The following PDSS2 variants were observed in gnomAD, a reference collection of about 807,000 sequenced individuals.
PDSS2 encodes the protein all trans-polyprenyl-diphosphate synthase PDSS2.
In PDSS2, 31 loss-of-function variants were observed where a neutral mutation model predicts 44.5. That is an observed-to-expected ratio of 0.70 (90% CI 0.52 to 0.94). The LOEUF (loss-of-function observed/expected upper bound fraction) is 0.94. Among genes scored for constraint, PDSS2 ranks in the 40% least tolerant of loss-of-function variants. The pLI, the probability that PDSS2 is intolerant of heterozygous loss-of-function variation, is 0.00. For missense variants in PDSS2, 452 were observed against 482.2 expected (o/e 0.94, Z 0.59); for synonymous variants, 157 against 180.3 (o/e 0.87, Z 1.03).
intron 2 of PDSS2, among the ~76,000 whole-genome samples, chr6:107,281,566 C>T (rs890292482): frequency 2.0e-5 from 3 of 152,124 alleles, no homozygotes; most frequent in Admixed American, 6.5e-5. Context: ...TCTCCTTTTT[C>T]TATTTAACAT....
At chr6:107,296,419 T>C (rs190224136) in intron 2 of PDSS2, among the ~76,000 whole-genome samples, 22 of 152,328 alleles carry the variant, frequency 1.4e-4, no homozygotes, top group African/African-American at 3.4e-4. Context: ...TATTTTTGTA[T>C]ATAATGATTG....
rs75760463 is a variant in PDSS2, at chr6:107,174,569, C to T, written c.1041+19253G>A. Among the ~76,000 whole-genome samples the T allele has an allele frequency of 8.7e-3, 1,325 of 152,254 alleles. 13 individuals carry two copies. Among genetic ancestry groups the T allele is most frequent in the African/African-American group, 0.021 (866 of 41,568 alleles). ...CTTAACTGAAAGGTCTTGACAGCTT[C>T]TGAGTGGCAAGACTTGGTACAAAAG... On this transcript the variant is annotated intron_variant, in intron 7 of 7. Transcript: ENST00000369037.
rs376516743 is a variant in PDSS2, at chr6:107,291,075, C to T, written c.432-16848G>A. On this transcript the variant is annotated intron_variant, in intron 2 of 7. Coordinates refer to ENST00000369037, the MANE Select transcript of PDSS2 (RefSeq NM_020381.4). ...CATACATACTTTTGTAAACCTGTGC[C>T]GGGTAAAAGAATCTTTCGTGATGAT... 3.5e-4 allele frequency among the ~76,000 whole-genome samples: 53 copies of T among 151,450 alleles called. No individual in the cohort carries two copies. The East Asian group carries it at 4.1e-3, about 12-fold the overall frequency.
Position 107,170,509 on chromosome 6 carries a change from G to A in PDSS2, c.1042-15732C>T, listed in dbSNP as rs558655854. 3.0e-3 allele frequency among the ~76,000 whole-genome samples: 457 copies of A among 152,124 alleles called. 1 individual carries two copies. Among genetic ancestry groups the A allele is most frequent in the African/African-American group, 0.011 (442 of 41,504 alleles). The stretch of plus-strand genomic sequence containing the variant: ...TGACAAGCCCCAGTGAGATGAACCC[G>A]GTACCTCAGTTGGAAATGCAGAAAT... On this transcript the variant is annotated intron_variant, in intron 7 of 7. Transcript: ENST00000369037.
intron 2 of PDSS2, among the ~76,000 whole-genome samples, chr6:107,276,662 T>C (rs1258148720): frequency 2.0e-5 from 3 of 152,206 alleles, no homozygotes; most frequent in African/African-American, 4.8e-5. Flanking sequence ...GTTACACTTA[T>C]CAGTCACACC....
At chr6:107,419,007 G>A (rs1036274870) in intron 1 of PDSS2, among the ~76,000 whole-genome samples, 1 of 151,640 alleles carries the variant, frequency 6.6e-6, no homozygotes, top group African/African-American at 2.4e-5. Flanking sequence ...CTCAACTCTA[G>A]TTGTATATTA....
intron 1 of PDSS2, among the ~76,000 whole-genome samples, chr6:107,338,542 G>A (rs533753662): frequency 6.6e-6 from 1 of 152,324 alleles, no homozygotes; most frequent in South Asian, 2.1e-4. Flanking sequence ...ACAATAAAAT[G>A]TGGCAGGAAT....
At chr6:107,364,951 G>A (rs369937692) in intron 1 of PDSS2, among the ~76,000 whole-genome samples, 4 of 152,148 alleles carry the variant, frequency 2.6e-5, no homozygotes, top group East Asian at 1.9e-4. Flanking sequence ...TGGGGGAGGC[G>A]GGGAAGGCTT....
chr6:107,410,256 T>C (rs1780447259), intron 1 of PDSS2, among the ~76,000 whole-genome samples: 1 of 152,124 alleles, frequency 6.6e-6, no homozygotes, highest in South Asian at 2.1e-4. Context: ...TGAAAGAACG[T>C]AAAAGAAGAA....
intron 4 of PDSS2, among the ~76,000 whole-genome samples, chr6:107,242,378 C>T (rs1184408784): frequency 6.6e-6 from 1 of 151,998 alleles, no homozygotes; most frequent in Non-Finnish European, 1.5e-5. Flanking sequence ...ATTCTCCTGC[C>T]TCAGCCTCCT....
At chr6:107,166,134 T>A (rs1771337781) in intron 7 of PDSS2, among the ~76,000 whole-genome samples, 1 of 152,048 alleles carries the variant, frequency 6.6e-6, no homozygotes, top group African/African-American at 2.4e-5. Context: ...GACTTCCTCT[T>A]TTCCTAATTG....
At chr6:107,298,997 C>G (rs1776603305) in intron 2 of PDSS2, among the ~76,000 whole-genome samples, 1 of 151,708 alleles carries the variant, frequency 6.6e-6, no homozygotes, top group South Asian at 2.1e-4. Flanking sequence ...CAAAAATTAG[C>G]TGGTGTGATG....
At chr6:107,401,887 G>C (rs1047875405) in intron 1 of PDSS2, among the ~76,000 whole-genome samples, 11 of 152,182 alleles carry the variant, frequency 7.2e-5, no homozygotes, top group Non-Finnish European at 1.3e-4. Context: ...GCTCATGCCT[G>C]TAATTCAAGC....
At chr6:107,334,607 C>A (rs1777820887) in intron 1 of PDSS2, among the ~76,000 whole-genome samples, 1 of 151,458 alleles carries the variant, frequency 6.6e-6, no homozygotes, top group Non-Finnish European at 1.5e-5. Context: ...GTGGCACAAT[C>A]TCAACTCACT....
chr6:107,213,140 G>A (rs564341534), intron 4 of PDSS2, among the ~76,000 whole-genome samples: 41 of 152,028 alleles, frequency 2.7e-4, no homozygotes, highest in Non-Finnish European at 7.4e-5. Flanking sequence ...CTCCCAAGTA[G>A]CTGGGACCAC....
At chr6:107,173,340 G>A (rs1257949729) in intron 7 of PDSS2, among the ~76,000 whole-genome samples, 2 of 151,676 alleles carry the variant, frequency 1.3e-5, no homozygotes, top group Admixed American at 6.6e-5. Flanking sequence ...TTGGGAGGCC[G>A]AGGCGGGCGG....
intron 7 of PDSS2, among the ~76,000 whole-genome samples, chr6:107,180,208 GCT>G (rs1771923721): frequency 7.2e-5 from 11 of 152,080 alleles, no homozygotes; most frequent in Admixed American, 6.6e-4. Flanking sequence ...AGACATACAG[GCT>G]CTCCTGGTGC....
chr6:107,320,677 G>A (rs1013680909), intron 2 of PDSS2, among the ~76,000 whole-genome samples: 8 of 152,104 alleles, frequency 5.3e-5, no homozygotes, highest in Non-Finnish European at 1.2e-4. Context: ...AAACATAAAC[G>A]TTTTTATTTT....
intron 1 of PDSS2, among the ~76,000 whole-genome samples, chr6:107,401,697 A>C (rs923149203): frequency 6.6e-6 from 1 of 152,266 alleles, no homozygotes; most frequent in African/African-American, 2.4e-5. Flanking sequence ...GGATATGAAC[A>C]AGAAACACAA....
Sources: gnomAD v4.1 joint callset for allele counts (sites outside exome capture counted in the v4.1 genomes callset) on GRCh38, gnomAD v4.1.1 for gene constraint, MANE v1.5 for transcripts, NCBI Gene and HGNC (gene_info 2026-07-23, HGNC 2026-07-21) for gene names.